The following SCUBE1 variants were observed in gnomAD, a reference collection of about 807,000 sequenced individuals.
SCUBE1 encodes the protein signal peptide, CUB domain and EGF like domain containing 1, also known as signal peptide, CUB and EGF-like domain-containing protein 1.
Under a neutral mutation model 124.4 loss-of-function variants are expected in SCUBE1, and 59 were observed. The observed-to-expected ratio is 0.47, with a 90% CI of 0.38 to 0.59. The LOEUF (loss-of-function observed/expected upper bound fraction) is 0.59, where lower values mean the gene tolerates loss of function less well. Ranked by LOEUF, SCUBE1 falls within the 20% of genes least tolerant of loss-of-function variation. The pLI is 0.00. For missense variants in SCUBE1, 1,150 were observed against 1,371.2 expected, an observed-to-expected ratio of 0.84 and a Z score of 2.55; for synonymous variants, 545 against 550.9, an observed-to-expected ratio of 0.99 and a Z score of 0.15.
intron 2 of SCUBE1, among the ~76,000 whole-genome samples, chr22:43,332,473 C>T (rs1926933388): frequency 6.6e-6 from 1 of 152,132 alleles, no homozygotes; most frequent in African/African-American, 2.4e-5. Flanking sequence ...GTACAGCTCC[C>T]TCGATCCCTC....
intron 19 of SCUBE1, 38 bp from the exon 20 acceptor site, chr22:43,208,262 G>C: frequency 6.2e-7 from 1 of 1,611,028 alleles, no homozygotes; most frequent in Non-Finnish European, 8.5e-7. Context: ...GCCACAGGTA[G>C]GCAGCTCCTC....
Position 43,198,842 on chromosome 22 carries a change from G to C in SCUBE1, c.*5155C>G. On this transcript the variant is annotated 3_prime_UTR_variant, in exon 22 of 22. Transcript: ENST00000360835. ...GGGGCAGGGTGTCTGTCTATCTGCTGTCTGGGGAAGTGTGTCTGTCTGTCT... is the reference window on the plus strand; with the variant it reads ...GGGGCAGGGTGTCTGTCTATCTGCTCTCTGGGGAAGTGTGTCTGTCTGTCT... The C allele has an allele frequency of 4.9e-6, 2 of 405,938 alleles. No homozygotes were observed. Among genetic ancestry groups the C allele is most frequent in the South Asian group, 1.8e-5 (1 of 54,992 alleles). The allele number at this position is 405,938 out of a possible 1,614,324, so 25.1% of individuals were successfully genotyped here.
intron 8 of SCUBE1, among the ~76,000 whole-genome samples, chr22:43,231,332 T>G (rs1922542511): frequency 1.3e-5 from 2 of 152,224 alleles, no homozygotes; most frequent in African/African-American, 4.8e-5. Context: ...TCTTGGCTTC[T>G]GCCCAGACCC....
intron 2 of SCUBE1, among the ~76,000 whole-genome samples, chr22:43,325,712 T>C (rs971029385): frequency 6.6e-5 from 10 of 151,054 alleles, no homozygotes; most frequent in African/African-American, 2.4e-4. Context: ...CCTGCTTGGA[T>C]TTTTTTTTGT....
chr22:43,264,591 G>A (rs562732268), intron 4 of SCUBE1, among the ~76,000 whole-genome samples: 2 of 152,320 alleles, frequency 1.3e-5, no homozygotes, highest in Admixed American at 6.5e-5. Flanking sequence ...GTGGTGGCCA[G>A]CAAGCCATCT....
At chr22:43,245,243 C>T (rs1028877027) in intron 6 of SCUBE1, among the ~76,000 whole-genome samples, 10 of 152,348 alleles carry the variant, frequency 6.6e-5, no homozygotes, top group East Asian at 5.8e-4. Flanking sequence ...GCCTCCCTTG[C>T]GCCTCTGACA....
chr22:43,311,068 C>G (rs1926152515), intron 3 of SCUBE1, among the ~76,000 whole-genome samples: 1 of 152,208 alleles, frequency 6.6e-6, no homozygotes, highest in Non-Finnish European at 1.5e-5. Flanking sequence ...TGTGAGCCAC[C>G]AAGCCTGGCC....
rs1921489985 is a variant in SCUBE1, at chr22:43,210,341, A to G, written c.2384-101T>C. ...CTGGGAGGCCTAGGGCAGGGCTGGA[A>G]GGTGCTCTTGTCCCCCCCCACACTA... On this transcript the variant is annotated intron_variant, in intron 18 of 21. Coordinates refer to ENST00000360835, the MANE Select transcript of SCUBE1 (RefSeq NM_173050.5). This position sits in a 1 kb window ranked among gnomAD's most constrained non-coding sequence, Gnocchi z 4.5. 1.9e-6 allele frequency: 2 copies of G among 1,040,628 alleles called. No individual in the cohort carries two copies. Among genetic ancestry groups the G allele is most frequent in the African/African-American group, 1.6e-5 (1 of 60,756 alleles). 64.5% of individuals were successfully genotyped at this position (1,040,628 alleles called of 1,614,324 possible).
At chr22:43,271,591 G>A (rs949399155) in intron 4 of SCUBE1, among the ~76,000 whole-genome samples, 5 of 151,990 alleles carry the variant, frequency 3.3e-5, no homozygotes, top group African/African-American at 1.2e-4. Context: ...AGAGCCTCTC[G>A]CGGTGCGGCC....
intron 7 of SCUBE1, among the ~76,000 whole-genome samples, chr22:43,236,519 G>C (rs35178600): frequency 0.22 from 33,021 of 152,178 alleles, 4,249 homozygotes; most frequent in Middle Eastern, 0.31. Context: ...CTGGGTGTGA[G>C]CCTCCCCTGC....
intron 13 of SCUBE1, 40 bp downstream of exon 13, chr22:43,221,133 G>GCCC (rs1464400744): frequency 6.6e-7 from 1 of 1,518,672 alleles, no homozygotes; most frequent in Non-Finnish European, 9.1e-7. Context: ...CTCTCCTACA[G>GCCC]CCCCGTTGGT....
chr22:43,304,449 G>C (rs1433235250), intron 3 of SCUBE1, among the ~76,000 whole-genome samples: 1 of 152,188 alleles, frequency 6.6e-6, no homozygotes, highest in Non-Finnish European at 1.5e-5. Context: ...CCATAGTGGG[G>C]TCAGAGCCCT....
chr22:43,225,860 A>G (rs575920314), intron 10 of SCUBE1, among the ~76,000 whole-genome samples: 1 of 152,168 alleles, frequency 6.6e-6, no homozygotes, highest in East Asian at 2.0e-4. Flanking sequence ...ATCTGAAGGT[A>G]CCATATCCTT....
At chr22:43,273,299 C>T (rs536307292) in intron 4 of SCUBE1, among the ~76,000 whole-genome samples, 1 of 152,320 alleles carries the variant, frequency 6.6e-6, no homozygotes, top group South Asian at 2.1e-4. Flanking sequence ...ACCCTCTCCC[C>T]ACCCCAGGGC....
Position 43,257,262 on chromosome 22 carries a change from T to C in SCUBE1, c.727+957A>G, listed in dbSNP as rs530696456. Among the ~76,000 whole-genome samples the C allele has an allele frequency of 2.0e-5, 3 of 152,296 alleles. No homozygotes were observed. The South Asian group carries it at 6.2e-4, about 32-fold the overall frequency. On this transcript the variant is annotated intron_variant, in intron 6 of 21. Transcript: ENST00000360835. ...TGCTGACCAACCCTGTCCTGTCCCC[T>C]GAGTCTCCCTCAAGAAGTATCTTCC...
chr22:43,224,519 C>T (rs935355569), intron 10 of SCUBE1, among the ~76,000 whole-genome samples: 4 of 152,154 alleles, frequency 2.6e-5, no homozygotes, highest in African/African-American at 9.7e-5. Context: ...CGACACAGGC[C>T]CTGCATGCTT....
intron 2 of SCUBE1, among the ~76,000 whole-genome samples, chr22:43,325,851 A>G (rs573318338): frequency 6.6e-6 from 1 of 152,242 alleles, no homozygotes; most frequent in Admixed American, 6.5e-5. Flanking sequence ...TTGTGTATTG[A>G]AAGGCAGCGT....
At chr22:43,254,342 A>C (rs778766592) in intron 6 of SCUBE1, among the ~76,000 whole-genome samples, 2 of 152,162 alleles carry the variant, frequency 1.3e-5, no homozygotes, top group Admixed American at 1.3e-4. Context: ...GGCAGGCCTG[A>C]AGCCTCCTCA....
chr22:43,303,223 CT>C (rs892009203), intron 3 of SCUBE1, among the ~76,000 whole-genome samples: 21 of 152,262 alleles, frequency 1.4e-4, no homozygotes, highest in Admixed American at 5.9e-4. Context: ...TGTTCCTTCT[CT>C]TCCTCCTCCT....
Sources: allele counts gnomAD v4.1 joint callset (sites outside exome capture counted in the v4.1 genomes callset), GRCh38; gene constraint gnomAD v4.1.1; non-coding constraint Gnocchi (gnomAD v3.1); transcripts MANE v1.5; gene names NCBI Gene and HGNC (gene_info 2026-07-23, HGNC 2026-07-21).